PLS1: variants seen among roughly 807,000 people sequenced by gnomAD.
PLS1 encodes plastin-1.
Under a neutral mutation model 73.7 loss-of-function variants are expected in PLS1, and 32 were observed. The ratio of observed to expected loss-of-function variants is 0.43; its 90% confidence interval spans 0.33 to 0.58. The LOEUF is 0.58. PLS1 is among the 20% of genes least tolerant of loss of function. The pLI is 0.04. For synonymous variants in PLS1, 217 were observed against 261.3 expected, an observed-to-expected ratio of 0.83 and a Z score of 1.63; for missense variants, 633 against 740.5, an observed-to-expected ratio of 0.85 and a Z score of 1.68.
chr3:142,684,263 A>G lies in PLS1; in HGVS notation c.756A>G (p.Ala252=). The G allele has an allele frequency of 6.2e-7, 1 of 1,614,182 alleles. No individual in the cohort carries two copies. Among genetic ancestry groups the G allele is most frequent in the South Asian group, 1.1e-5 (1 of 91,084 alleles). Residue 252 remains alanine (A), a synonymous_variant, in exon 8 of 16, where the codon GCA becomes GCG. Transcript: ENST00000457734. ...CTGTTTTGCCCTCAGCTCTGATTGC[A>G]TTGTTAAATGAAGGTGAGGAACTAG... ...IEISRNEALI[A]LLNEGEELEE... is the part of the protein sequence containing the mutation.
At position 142,677,884 on chromosome 3, in the gene PLS1, T is replaced by C. The variant is rs1489236441; in HGVS notation, c.498-148T>C. 20 of 420,966 alleles carry C rather than the reference T, an allele frequency of 4.8e-5. No homozygotes were observed. In the Admixed American group the frequency reaches 8.7e-4, roughly 18 times the overall value. 26.1% of individuals were successfully genotyped at this position (420,966 alleles called of 1,614,324 possible). A position where few individuals can be genotyped will look rare whatever the true frequency, so the allele number is the denominator to read the frequency against. ...AGCCTCCCAAGTAGCTGAGATTATA[T>C]GCATGTGCCACCATGCCTGGCTTAC... On this transcript the variant is annotated intron_variant, in intron 5 of 15. Coordinates refer to ENST00000457734, the MANE Select transcript of PLS1 (RefSeq NM_001145319.2).
At chr3:142,647,509 T>C (rs528935523) in intron 1 of PLS1, among the ~76,000 whole-genome samples, 1 of 150,596 alleles carries the variant, frequency 6.6e-6, no homozygotes, top group East Asian at 1.9e-4. Context: ...TTTTCTTTTT[T>C]TTTTTTTTCT....
chr3:142,704,069 A>G, intron 13 of PLS1, 68 bp downstream of exon 13: 1 of 1,413,710 alleles, frequency 7.1e-7, no homozygotes, highest in African/African-American at 1.4e-5. Flanking sequence ...CCAAATTTTT[A>G]GCTATTTTTG....
At chr3:142,624,059 C>CT (rs1302717617) in intron 1 of PLS1, among the ~76,000 whole-genome samples, 1 of 151,996 alleles carries the variant, frequency 6.6e-6, no homozygotes, top group Non-Finnish European at 1.5e-5. Context: ...CAAAACTCTG[C>CT]TTTTTTTCTA....
At chr3:142,642,727 A>C (rs1486539270) in intron 1 of PLS1, among the ~76,000 whole-genome samples, 4 of 152,184 alleles carry the variant, frequency 2.6e-5, no homozygotes, top group Non-Finnish European at 5.9e-5. Context: ...TGGCCATTTA[A>C]AAATATAGTT....
At chr3:142,621,029 A>G (rs1397154778) in intron 1 of PLS1, among the ~76,000 whole-genome samples, 1 of 152,088 alleles carries the variant, frequency 6.6e-6, no homozygotes, top group Admixed American at 6.5e-5. Context: ...AAAAAAATAA[A>G]ATAAAATAAA....
At chr3:142,671,256 G>GTGGT in intron 4 of PLS1, 134 bp downstream of exon 4, 1 of 740,530 alleles carries the variant, frequency 1.4e-6, no homozygotes, top group Non-Finnish European at 2.3e-6. Flanking sequence ...AAAAAATACT[G>GTGGT]CAGACCACAG....
chr3:142,690,386 G>T (rs4683427), intron 10 of PLS1, among the ~76,000 whole-genome samples: 59,709 of 151,826 alleles, frequency 0.39, 12,746 homozygotes, highest in Non-Finnish European at 0.48. Context: ...CTTTTTATTA[G>T]TACCATTTAT....
At chr3:142,709,673 CG>C (rs1933021475) in intron 14 of PLS1, among the ~76,000 whole-genome samples, 1 of 151,912 alleles carries the variant, frequency 6.6e-6, no homozygotes, top group African/African-American at 2.4e-5. Flanking sequence ...AAATATCAGC[CG>C]GGTGTGGTGG....
chr3:142,661,384 A>G (rs1311491225), intron 1 of PLS1, among the ~76,000 whole-genome samples: 2 of 152,222 alleles, frequency 1.3e-5, no homozygotes, highest in East Asian at 3.9e-4. Flanking sequence ...AGCGGACAAT[A>G]GTATATTTAA....
rs1425521530 is a variant in PLS1, at chr3:142,643,832, T to G, written c.-36-20370T>G. 3.4e-5 allele frequency among the ~76,000 whole-genome samples: 5 copies of G among 149,174 alleles called. No homozygotes were observed. In the South Asian group the frequency reaches 1.1e-3, roughly 32 times the overall value. On this transcript the variant is annotated intron_variant, in intron 1 of 15. Transcript: ENST00000457734. ...TGTTAATTTCTTCATTTCATTTTTT[T>G]TTTTTTTTTTTTTTGAAATGGAGTT...
intron 1 of PLS1, among the ~76,000 whole-genome samples, chr3:142,646,222 G>A (rs1390028586): frequency 1.3e-5 from 2 of 152,190 alleles, no homozygotes; most frequent in Admixed American, 1.3e-4. Context: ...GCCCATGAAT[G>A]CCTGTTATTA....
intron 10 of PLS1, among the ~76,000 whole-genome samples, chr3:142,693,149 A>G (rs1309787779): frequency 6.6e-6 from 1 of 152,208 alleles, no homozygotes; most frequent in African/African-American, 2.4e-5. Context: ...TTTAAGCAAG[A>G]AATTATAGGG....
At chr3:142,695,714 C>G (rs2038179960) in intron 11 of PLS1, among the ~76,000 whole-genome samples, 2 of 152,090 alleles carry the variant, frequency 1.3e-5, no homozygotes, top group Admixed American at 1.3e-4. Flanking sequence ...ACATAGCAAA[C>G]TCTATGTAGC....
intron 1 of PLS1, among the ~76,000 whole-genome samples, chr3:142,618,024 A>G (rs555456208): frequency 2.6e-5 from 4 of 152,304 alleles, no homozygotes; most frequent in African/African-American, 7.2e-5. Flanking sequence ...GCATCATTTC[A>G]TGTCTATTTC....
At chr3:142,628,351 GTGCATGCAGTGTGCATGTGTGCGCGCACA>G (rs1446153527) in intron 1 of PLS1, among the ~76,000 whole-genome samples, 2 of 28,314 alleles carry the variant, frequency 7.1e-5, no homozygotes, top group East Asian at 1.0e-3. Flanking sequence ...GCGCGCACAT[GTGCATGCAGTGTGCATGTGTGCGCGCACA>G]TGTGCATGCA....
At chr3:142,653,009 G>A (rs146623735) in intron 1 of PLS1, among the ~76,000 whole-genome samples, 1 of 152,202 alleles carries the variant, frequency 6.6e-6, no homozygotes, top group East Asian at 1.9e-4. Context: ...AAGTCCTTCT[G>A]TACAGCCAAT....
chr3:142,617,492 G>T (rs1446820847), intron 1 of PLS1, among the ~76,000 whole-genome samples: 3 of 152,126 alleles, frequency 2.0e-5, no homozygotes, highest in African/African-American at 7.2e-5. Context: ...TCAGGTAGTT[G>T]GTGGGAGAAA....
At chr3:142,614,989 A>C (rs1266428904) in intron 1 of PLS1, among the ~76,000 whole-genome samples, 1 of 151,946 alleles carries the variant, frequency 6.6e-6, no homozygotes, top group Non-Finnish European at 1.5e-5. Flanking sequence ...GTCATTTGAA[A>C]ATTGAGACAG....
Sources: allele counts gnomAD v4.1 joint callset (sites outside exome capture counted in the v4.1 genomes callset), GRCh38; gene constraint gnomAD v4.1.1; transcripts MANE v1.5; gene names NCBI Gene and HGNC (gene_info 2026-07-23, HGNC 2026-07-21).